TAF4B: variants seen among roughly 807,000 people sequenced by gnomAD.
The protein encoded by TAF4B is transcription initiation factor TFIID subunit 4B.
Under a neutral mutation model 86.4 loss-of-function variants are expected in TAF4B, and 38 were observed. The observed-to-expected ratio is 0.44, with a 90% CI of 0.34 to 0.58. The LOEUF is 0.58. TAF4B is among the 20% of genes least tolerant of loss of function. TAF4B has a pLI of 0.02. For synonymous variants in TAF4B, 388 were observed against 391.2 expected (o/e 0.99, Z 0.10); for missense variants, 988 against 1,027.6 (o/e 0.96, Z 0.53).
chr18:26,275,605 A>T (rs1412563062), intron 5 of TAF4B, among the ~76,000 whole-genome samples: 1 of 152,248 alleles, frequency 6.6e-6, no homozygotes, highest in East Asian at 1.9e-4. Context: ...TTTAAGGTAT[A>T]CAACATGATG....
chr18:26,298,351 C>A (rs903546605), intron 9 of TAF4B, among the ~76,000 whole-genome samples: 1 of 151,936 alleles, frequency 6.6e-6, no homozygotes, highest in Admixed American at 6.6e-5. Flanking sequence ...GCCTCAGCCT[C>A]CCGGGTAGCT....
At position 26,267,552 on chromosome 18, in the gene TAF4B, A is replaced by G; in HGVS notation, c.526A>G (p.Thr176Ala). 2 of 1,614,188 alleles carry G rather than the reference A, an allele frequency of 1.2e-6. No homozygotes were observed. Among genetic ancestry groups the G allele is most frequent in the East Asian group, 2.2e-5 (1 of 44,874 alleles). The change falls in exon 3 of 15, where the codon ACA becomes GCA. Residue 176 changes from threonine to alanine, a missense_variant. Physicochemically the swap from Thr to Ala is moderately conservative, Grantham distance 58. This residue lies in a region of TAF4B where 747 missense variants were observed against 737.9 expected (regional missense o/e 1.01). Coordinates refer to ENST00000269142, the MANE Select transcript of TAF4B (RefSeq NM_005640.3). ...SSQLIKKVAV[T>A]PVKKLAQIGT... is the part of the protein sequence containing the mutation. The stretch of plus-strand genomic sequence containing the variant: ...ACAATTAATCAAGAAAGTGGCAGTG[A>G]CACCTGTTAAAAAATTGGCACAAAT...
intron 1 of TAF4B, among the ~76,000 whole-genome samples, chr18:26,239,605 G>C (rs920915170): frequency 6.6e-6 from 1 of 152,164 alleles, no homozygotes; most frequent in Admixed American, 6.5e-5. Flanking sequence ...GATCCCATTT[G>C]TCAATTTTGG....
At chr18:26,311,839 C>G (rs8099424) in intron 9 of TAF4B, among the ~76,000 whole-genome samples, 4,162 of 151,588 alleles carry the variant, frequency 0.027, 176 homozygotes, top group African/African-American at 0.095. Flanking sequence ...ACTGACTTTA[C>G]TTTAGAAGAA....
chr18:26,292,576 C>T (rs1353598565), intron 8 of TAF4B, among the ~76,000 whole-genome samples, 195 bp downstream of exon 8: 7 of 152,192 alleles, frequency 4.6e-5, no homozygotes, highest in African/African-American at 7.2e-5. Flanking sequence ...GGCTGGAGTA[C>T]AGTGGCATGA....
intron 11 of TAF4B, among the ~76,000 whole-genome samples, chr18:26,324,469 A>C (rs1370198504): frequency 6.6e-6 from 1 of 152,240 alleles, no homozygotes; most frequent in Non-Finnish European, 1.5e-5. Context: ...AATAAGTATA[A>C]TTTACAATGG....
rs748621218 is a variant in TAF4B, at chr18:26,227,049, C to G, written c.116C>G (p.Pro39Arg). ...CTGCCGGTGCGGGTGGAGAGCACTC[C>G]GGTGGCCCTGGGCGCCGTGACTAAG... ...GALPVRVEST[P>R]VALGAVTKAP... is the part of the protein sequence containing the mutation. The change falls in exon 1 of 15, where the codon CCG becomes CGG. Residue 39 changes from proline (P) to arginine (R), a missense_variant. Coordinates refer to ENST00000269142, the MANE Select transcript of TAF4B (RefSeq NM_005640.3). The G allele has an allele frequency of 6.3e-7, 1 of 1,578,948 alleles. No individual in the cohort carries two copies. Among genetic ancestry groups the G allele is most frequent in the Admixed American group, 1.8e-5 (1 of 55,722 alleles).
Position 26,226,979 on chromosome 18 carries a change from G to C in TAF4B, c.46G>C (p.Ala16Pro), listed in dbSNP as rs149720137. 2 of 1,398,530 alleles carry C rather than the reference G, an allele frequency of 1.4e-6. No individual in the cohort carries two copies. Among genetic ancestry groups the C allele is most frequent in the African/African-American group, 1.5e-5 (1 of 65,370 alleles). 86.6% of individuals were successfully genotyped at this position (1,398,530 alleles called of 1,614,324 possible). A position where few individuals can be genotyped will look rare whatever the true frequency, so the allele number is the denominator to read the frequency against. ...ACCCGCCGGCGCCGCTCCCCCGGCTGCTGTGAGCGCCTCGGGGACCGTGAC... is the reference window on the plus strand; with the variant it reads ...ACCCGCCGGCGCCGCTCCCCCGGCTCCTGTGAGCGCCTCGGGGACCGTGAC... Reference protein sequence around the residue: ...TEPAGAAPPAAVSASGTVTMA... With the variant: ...TEPAGAAPPAPVSASGTVTMA... The change falls in exon 1 of 15, where the codon GCT becomes CCT. Residue 16 changes from alanine to proline, a missense_variant. Physicochemically the swap from Ala to Pro is conservative, Grantham distance 27. This residue lies in a region of TAF4B where 747 missense variants were observed against 737.9 expected (regional missense o/e 1.01). Transcript: ENST00000269142.
At chr18:26,335,073 T>C in intron 12 of TAF4B, 102 bp from the exon 13 acceptor site, 2 of 840,164 alleles carry the variant, frequency 2.4e-6, no homozygotes, top group South Asian at 3.4e-5. Context: ...GGAGCTAAGA[T>C]ATTCAATCAC....
intron 6 of TAF4B, among the ~76,000 whole-genome samples, chr18:26,283,170 A>G (rs2056470544): frequency 6.6e-6 from 1 of 152,136 alleles, no homozygotes; most frequent in South Asian, 2.1e-4. Flanking sequence ...TAGAATGGTG[A>G]ATCTTTTCCA....
chr18:26,238,609 C>CT (rs1273080623), intron 1 of TAF4B, among the ~76,000 whole-genome samples: 1 of 150,836 alleles, frequency 6.6e-6, no homozygotes, highest in Non-Finnish European at 1.5e-5. Flanking sequence ...TTAAATTATA[C>CT]TTTAAGTTCT....
chr18:26,366,273 C>A (rs1486025350), intron 14 of TAF4B: 5 of 152,098 alleles, frequency 3.3e-5, no homozygotes, highest in Non-Finnish European at 7.4e-5. Context: ...ACATGTTTTC[C>A]AATGCCAACA....
chr18:26,242,388 T>G lies in TAF4B; in HGVS notation c.343+15112T>G, dbSNP rs187179838. On this transcript the variant is annotated intron_variant, in intron 1 of 14. Transcript: ENST00000269142. Reference sequence around the variant, plus strand: ...TTTGTTGGTTTAAAGTCTGTTTTATTAGAGACTAGGATTGCAACCCTTGCC... The same window carrying G: ...TTTGTTGGTTTAAAGTCTGTTTTATGAGAGACTAGGATTGCAACCCTTGCC... Among the ~76,000 whole-genome samples, 163 of 152,332 alleles carry G rather than the reference T, an allele frequency of 1.1e-3. No homozygotes were observed. In the Middle Eastern group the frequency reaches 0.027, roughly 25 times the overall value.
In TAF4B at chr18:26,274,650, C is replaced by T; in HGVS notation, c.598-13C>T. On this transcript the variant is annotated splice_polypyrimidine_tract_variant and intron_variant, in intron 3 of 14. Transcript: ENST00000269142. Reference sequence around the variant, plus strand: ...GTAATACATGCCTAAATATTTAATACCTTTAATTTCAGTCTGTGGCTGTGC... The same window carrying T: ...GTAATACATGCCTAAATATTTAATATCTTTAATTTCAGTCTGTGGCTGTGC... 6.2e-7 allele frequency: 1 copy of T among 1,613,938 alleles called. No homozygotes were observed. Among genetic ancestry groups the T allele is most frequent in the Non-Finnish European group, 8.5e-7 (1 of 1,179,932 alleles).
intron 7 of TAF4B, 122 bp downstream of exon 7, chr18:26,286,621 T>A (rs201573962): frequency 5.6e-5 from 1 of 17,798 alleles, no homozygotes; most frequent in Non-Finnish European, 7.3e-5. Flanking sequence ...GACCAATTAA[T>A]TTTTTTTTTT....
intron 14 of TAF4B, among the ~76,000 whole-genome samples, chr18:26,387,387 A>G (rs1978434956): frequency 6.6e-6 from 1 of 152,232 alleles, no homozygotes. Flanking sequence ...CTCACTGCCA[A>G]TTACATGTTT....
intron 9 of TAF4B, among the ~76,000 whole-genome samples, chr18:26,301,677 C>T (rs978399050): frequency 1.3e-5 from 2 of 152,060 alleles, no homozygotes; most frequent in Non-Finnish European, 2.9e-5. Context: ...TTTTTAATCC[C>T]GTTTCTTTGC....
intron 1 of TAF4B, among the ~76,000 whole-genome samples, chr18:26,241,745 A>G (rs2055842892): frequency 6.6e-6 from 1 of 152,194 alleles, no homozygotes; most frequent in Non-Finnish European, 1.5e-5. Context: ...TTCCCTCTAC[A>G]CACTGCTTTA....
intron 2 of TAF4B, chr18:26,266,327 G>C: frequency 6.6e-6 from 1 of 151,786 alleles, no homozygotes. Flanking sequence ...GGTCAGGCTG[G>C]TCTCGAACTC....
Sources: allele counts gnomAD v4.1 joint callset (sites outside exome capture counted in the v4.1 genomes callset), GRCh38; gene constraint gnomAD v4.1.1; regional missense constraint gnomAD v4.1.1; transcripts MANE v1.5; gene names NCBI Gene and HGNC (gene_info 2026-07-23, HGNC 2026-07-21).